KATNAL2: variants seen among roughly 807,000 people sequenced by gnomAD.
KATNAL2 encodes katanin catalytic subunit A1 like 2.
In KATNAL2, 52 loss-of-function variants were observed where a neutral mutation model predicts 76.3. That is an observed-to-expected ratio of 0.68 (90% CI 0.55 to 0.86). The LOEUF (loss-of-function observed/expected upper bound fraction) is 0.86, where lower values mean the gene tolerates loss of function less well. Ranked by LOEUF, KATNAL2 falls within the 40% of genes least tolerant of loss-of-function variation. The pLI is 0.00. For synonymous variants in KATNAL2, 243 were observed against 244.2 expected (o/e 1.00, Z 0.05); for missense variants, 660 against 668.9 (o/e 0.99, Z 0.15).
In KATNAL2 at chr18:47,034,622, G is replaced by T. The variant is rs760451420; in HGVS notation, c.52-11835G>T. The T allele has an allele frequency of 3.1e-6, 5 of 1,614,014 alleles. No individual in the cohort carries two copies. In the African/African-American group the frequency reaches 5.3e-5, roughly 17 times the overall value. On this transcript the variant is annotated intron_variant, in intron 3 of 17. Coordinates refer to ENST00000683218, the MANE Select transcript of KATNAL2 (RefSeq NM_001387690.1). The stretch of plus-strand genomic sequence containing the variant: ...TGGCTCACAACGGCTTTCCCCTGGG[G>T]TTGGCCCTGGCAGCCTGGACACAGC...
At chr18:47,091,713 A>T (rs1168954033) in intron 15 of KATNAL2, among the ~76,000 whole-genome samples, 3 of 152,114 alleles carry the variant, frequency 2.0e-5, no homozygotes, top group African/African-American at 7.2e-5. Context: ...GTAGTGAGGG[A>T]TTGTTTTCCA....
At chr18:47,063,234 T>C in intron 9 of KATNAL2, 50 bp from the exon 10 acceptor site, 1 of 1,586,724 alleles carries the variant, frequency 6.3e-7, no homozygotes, top group Non-Finnish European at 8.6e-7. Flanking sequence ...GGTTTCTTCC[T>C]AAATTATGAA....
chr18:47,034,210 G>A (rs371636293), intron 3 of KATNAL2: 3 of 1,613,682 alleles, frequency 1.9e-6, no homozygotes, highest in African/African-American at 1.3e-5. Context: ...ATGAGCAGTC[G>A]GTGGCTTCCC....
intron 15 of KATNAL2, among the ~76,000 whole-genome samples, chr18:47,092,829 C>G (rs775985284): frequency 2.0e-5 from 3 of 152,224 alleles, no homozygotes; most frequent in Non-Finnish European, 4.4e-5. Flanking sequence ...TACTCTCCTC[C>G]TTTGGAGAGA....
intron 7 of KATNAL2, 124 bp from the exon 8 acceptor site, chr18:47,059,432 T>C (rs768681590): frequency 4.3e-6 from 3 of 703,794 alleles, no homozygotes; most frequent in Admixed American, 2.0e-5. Flanking sequence ...CTAAGCTACA[T>C]GTGCATGTCG....
intron 15 of KATNAL2, among the ~76,000 whole-genome samples, chr18:47,095,111 G>A (rs1188542496): frequency 6.6e-6 from 1 of 152,104 alleles, no homozygotes; most frequent in East Asian, 1.9e-4. Flanking sequence ...ATGCTTCCCA[G>A]CTTTCAAATC....
chr18:47,033,874 T>A lies in KATNAL2; in HGVS notation c.52-12583T>A. 1.9e-6 allele frequency: 3 copies of A among 1,613,722 alleles called. No individual in the cohort carries two copies. In the South Asian group the frequency reaches 3.3e-5, roughly 18 times the overall value. On this transcript the variant is annotated intron_variant, in intron 3 of 17. Coordinates refer to ENST00000683218, the MANE Select transcript of KATNAL2 (RefSeq NM_001387690.1). Reference sequence around the variant, plus strand: ...GGCCTGCATCCAGGCCTCTGAGAGGTCCCAGAGCTCTGAGAAGACATGGCT... The same window carrying A: ...GGCCTGCATCCAGGCCTCTGAGAGGACCCAGAGCTCTGAGAAGACATGGCT...
chr18:47,059,719 C>T (rs1452541326), intron 8 of KATNAL2, 65 bp downstream of exon 8: 2 of 1,139,932 alleles, frequency 1.8e-6, no homozygotes, highest in East Asian at 4.8e-5. Flanking sequence ...AACATGAAAA[C>T]AAAAAACATT....
chr18:47,087,752 C>CTGTG (rs35852657), intron 15 of KATNAL2, among the ~76,000 whole-genome samples: 2,738 of 148,534 alleles, frequency 0.018, 55 homozygotes, highest in African/African-American at 0.047. Flanking sequence ...TCTTTTACAT[C>CTGTG]TGTGTGTGTG....
intron 13 of KATNAL2, among the ~76,000 whole-genome samples, chr18:47,071,152 A>G (rs1419985409): frequency 2.0e-5 from 3 of 152,062 alleles, no homozygotes; most frequent in African/African-American, 7.2e-5. Context: ...GATGCACACC[A>G]CCAAGCCCAG....
intron 1 of KATNAL2, among the ~76,000 whole-genome samples, chr18:46,936,454 G>A (rs770441828): frequency 2.0e-5 from 3 of 151,916 alleles, no homozygotes; most frequent in East Asian, 1.9e-4. Flanking sequence ...ACATAACCTG[G>A]GGGTGCTGGG....
At chr18:46,920,830 A>G (rs376529656) in intron 1 of KATNAL2, among the ~76,000 whole-genome samples, 13 of 152,172 alleles carry the variant, frequency 8.5e-5, no homozygotes, top group African/African-American at 2.2e-4. Context: ...AATGTGGTAT[A>G]CCCTTAAAGG....
intron 3 of KATNAL2, among the ~76,000 whole-genome samples, chr18:46,954,645 G>T: frequency 6.7e-6 from 1 of 150,240 alleles, no homozygotes; most frequent in East Asian, 2.0e-4. Context: ...TTTGTTTTTT[G>T]GGTTTTTTTG....
At chr18:47,081,721 GGTGTGGTCAAGGC>G (rs2062533051) in intron 15 of KATNAL2, among the ~76,000 whole-genome samples, 1 of 152,158 alleles carries the variant, frequency 6.6e-6, no homozygotes, top group Admixed American at 6.5e-5. Flanking sequence ...CCTACTGTTA[GGTGTGGTCAAGGC>G]CAAGTTTCCT....
chr18:47,066,857 A>ACATTG (rs2061818337), intron 10 of KATNAL2, among the ~76,000 whole-genome samples, 164 bp from the exon 11 acceptor site: 3 of 56,508 alleles, frequency 5.3e-5, no homozygotes, highest in African/African-American at 2.0e-4. Context: ...TTATATATAT[A>ACATTG]TATATATATA....
Position 47,063,281 on chromosome 18 carries a change from C to G in KATNAL2, c.649-3C>G. ...ATGTGAGCCTTTCCGCTCCTCTCAT[C>G]AGGAACGACTGCTGAAACCTCTGAG... On this transcript the variant is annotated splice_region_variant and splice_polypyrimidine_tract_variant and intron_variant, in intron 9 of 17. Coordinates refer to ENST00000683218, the MANE Select transcript of KATNAL2 (RefSeq NM_001387690.1). 6.2e-7 allele frequency: 1 copy of G among 1,613,064 alleles called. No homozygotes were observed. Among genetic ancestry groups the G allele is most frequent in the Non-Finnish European group, 8.5e-7 (1 of 1,179,530 alleles).
chr18:47,079,893 G>A (rs2062426134), intron 15 of KATNAL2, among the ~76,000 whole-genome samples: 1 of 152,192 alleles, frequency 6.6e-6, no homozygotes, highest in African/African-American at 2.4e-5. Context: ...CTAGAGGTAT[G>A]TGATGTCTTG....
intron 4 of KATNAL2, among the ~76,000 whole-genome samples, chr18:47,052,185 G>A (rs998610274): frequency 2.0e-5 from 3 of 152,216 alleles, no homozygotes; most frequent in African/African-American, 7.2e-5. Flanking sequence ...TGCTTCCAGT[G>A]CTAAGGCCAC....
chr18:47,044,030 A>G (rs2061064668), intron 3 of KATNAL2, among the ~76,000 whole-genome samples: 3 of 152,200 alleles, frequency 2.0e-5, no homozygotes. Context: ...TCATGAAACA[A>G]TGATATATTA....
Sources: gnomAD v4.1 joint callset for allele counts (sites outside exome capture counted in the v4.1 genomes callset) on GRCh38, gnomAD v4.1.1 for gene constraint, MANE v1.5 for transcripts, NCBI Gene and HGNC (gene_info 2026-07-23, HGNC 2026-07-21) for gene names.